Variants in MDGA2 observed in about 807,000 individuals in gnomAD.
The protein encoded by MDGA2 is MAM domain-containing glycosylphosphatidylinositol anchor protein 2.
Under a neutral mutation model 117.8 loss-of-function variants are expected in MDGA2, and 40 were observed. The observed-to-expected ratio is 0.34, with a 90% CI of 0.26 to 0.44. MDGA2 has a LOEUF of 0.44. MDGA2 is among the 20% of genes least tolerant of loss of function. The pLI is 1.00. For missense variants in MDGA2, 1,123 were observed against 1,250.6 expected, an observed-to-expected ratio of 0.90 and a Z score of 1.54; for synonymous variants, 452 against 439.0, an observed-to-expected ratio of 1.03 and a Z score of -0.37.
intron 1 of MDGA2, among the ~76,000 whole-genome samples, chr14:47,380,732 C>T (rs902501099): frequency 6.6e-6 from 1 of 151,812 alleles, no homozygotes; most frequent in Non-Finnish European, 1.5e-5. Flanking sequence ...GCCTACCAAC[C>T]AAAAAATGTC....
intron 8 of MDGA2, among the ~76,000 whole-genome samples, chr14:46,957,946 T>C (rs897705695): frequency 6.6e-6 from 1 of 152,188 alleles, no homozygotes; most frequent in Non-Finnish European, 1.5e-5. Context: ...TTAATTCTAA[T>C]ATTATCAATA....
At chr14:47,137,254 C>T (rs2139175273) in intron 4 of MDGA2, among the ~76,000 whole-genome samples, 1 of 152,208 alleles carries the variant, frequency 6.6e-6, no homozygotes, top group East Asian at 1.9e-4. Context: ...TATGCACATC[C>T]ATATCCTAGT....
intron 1 of MDGA2, among the ~76,000 whole-genome samples, chr14:47,635,962 T>C (rs571191408): frequency 1.3e-5 from 2 of 152,288 alleles, no homozygotes; most frequent in East Asian, 1.9e-4. Context: ...AATAAACTTA[T>C]TGACAAAAAA....
At chr14:47,384,820 T>C (rs183336006) in intron 1 of MDGA2, among the ~76,000 whole-genome samples, 4 of 152,148 alleles carry the variant, frequency 2.6e-5, no homozygotes, top group Admixed American at 6.5e-5. Context: ...CCCAGTAGGG[T>C]GGCCCAGATG....
intron 9 of MDGA2, among the ~76,000 whole-genome samples, chr14:46,940,397 G>A (rs1203006435): frequency 6.6e-6 from 1 of 152,052 alleles, no homozygotes; most frequent in South Asian, 2.1e-4. Context: ...GGGAGTCTGA[G>A]GAGGGTGGAT....
At chr14:47,388,814 G>C (rs776631024) in intron 1 of MDGA2, among the ~76,000 whole-genome samples, 2 of 152,146 alleles carry the variant, frequency 1.3e-5, no homozygotes, top group Non-Finnish European at 2.9e-5. Context: ...GAAAGACAAA[G>C]CAACGCCACT....
At chr14:47,032,005 T>G (rs899009097) in intron 8 of MDGA2, among the ~76,000 whole-genome samples, 3 of 152,186 alleles carry the variant, frequency 2.0e-5, no homozygotes, top group African/African-American at 7.2e-5. Context: ...AGTGCAACAA[T>G]AGACTAACAA....
intron 9 of MDGA2, among the ~76,000 whole-genome samples, chr14:46,933,104 A>G (rs1200895674): frequency 1.3e-5 from 2 of 152,074 alleles, no homozygotes; most frequent in Non-Finnish European, 2.9e-5. Context: ...CTGTTTTACC[A>G]AACCATCAAA....
intron 1 of MDGA2, among the ~76,000 whole-genome samples, chr14:47,596,032 T>G (rs777450054): frequency 6.6e-6 from 1 of 152,192 alleles, no homozygotes; most frequent in Non-Finnish European, 1.5e-5. Flanking sequence ...GGTAAGTTGC[T>G]TCCTGAGGCC....
intron 1 of MDGA2, among the ~76,000 whole-genome samples, chr14:47,310,979 G>A (rs1889615579): frequency 6.6e-6 from 1 of 152,064 alleles, no homozygotes. Flanking sequence ...TGTTAATAGT[G>A]TCAGAAGCCA....
At position 47,414,617 on chromosome 14, in the gene MDGA2, C is replaced by G. The variant is rs977857017; in HGVS notation, c.281-113067G>C. Among the ~76,000 whole-genome samples, 6 of 152,062 alleles carry G rather than the reference C, an allele frequency of 3.9e-5. No homozygotes were observed. In the East Asian group the frequency reaches 1.2e-3, roughly 29 times the overall value. ...AAATTAATGTTGAGTTTCCAGAGCT[C>G]TACAAAAATGCTAACATACATTGTA... On this transcript the variant is annotated intron_variant, in intron 1 of 16. Transcript: ENST00000399232.
chr14:47,363,798 GAGAGAGAA>G (rs1891175496), intron 1 of MDGA2, among the ~76,000 whole-genome samples: 4 of 151,886 alleles, frequency 2.6e-5, no homozygotes, highest in East Asian at 1.9e-4. Flanking sequence ...GAGAAATGAG[GAGAGAGAA>G]AGAGAGAAAG....
At chr14:47,383,716 G>T (rs1370135444) in intron 1 of MDGA2, among the ~76,000 whole-genome samples, 2 of 151,874 alleles carry the variant, frequency 1.3e-5, no homozygotes, top group Non-Finnish European at 2.9e-5. Context: ...GTAGAGACAG[G>T]GTTTCACAAT....
At chr14:47,543,648 A>C (rs1895397777) in intron 1 of MDGA2, among the ~76,000 whole-genome samples, 3 of 152,232 alleles carry the variant, frequency 2.0e-5, no homozygotes, top group Admixed American at 2.0e-4. Context: ...CAGATAATTC[A>C]AAAATATCTT....
At position 47,423,092 on chromosome 14, in the gene MDGA2, A is replaced by T. The variant is rs190576483; in HGVS notation, c.281-121542T>A. ...AAATTATTTTGCAGTGTTTAGATGT[A>T]CAATCCTTGCTTTCTCTTCTTGTTT... is the stretch of plus-strand genomic sequence containing the variant. On this transcript the variant is annotated intron_variant, in intron 1 of 16. Transcript: ENST00000399232. Among the ~76,000 whole-genome samples the T allele has an allele frequency of 2.0e-5, 3 of 152,312 alleles. No homozygotes were observed. The East Asian group carries it at 5.8e-4, about 29-fold the overall frequency.
At chr14:47,585,454 A>G (rs1896306349) in intron 1 of MDGA2, among the ~76,000 whole-genome samples, 2 of 151,962 alleles carry the variant, frequency 1.3e-5, no homozygotes, top group African/African-American at 2.4e-5. Flanking sequence ...AAATTGAGTA[A>G]TAACAATACA....
chr14:47,042,320 T>G (rs2050964), intron 7 of MDGA2, among the ~76,000 whole-genome samples: 10 of 102,770 alleles, frequency 9.7e-5, no homozygotes, highest in Non-Finnish European at 2.0e-4. Flanking sequence ...ATGTTTTTTT[T>G]TTTTTTTTGT....
At chr14:47,155,672 C>T (rs1042378250) in intron 3 of MDGA2, among the ~76,000 whole-genome samples, 56 of 151,918 alleles carry the variant, frequency 3.7e-4, no homozygotes, top group Non-Finnish European at 7.1e-4. Flanking sequence ...CCATGGCTGG[C>T]TCACCCTTGA....
At chr14:46,959,296 TGTGTGTGG>T (rs1477342158) in intron 8 of MDGA2, among the ~76,000 whole-genome samples, 8 of 135,514 alleles carry the variant, frequency 5.9e-5, no homozygotes, top group African/African-American at 1.2e-4. Flanking sequence ...TGTGTGTGTG[TGTGTGTGG>T]ATACATACAT....
Sources: gnomAD v4.1 joint callset for allele counts (sites outside exome capture counted in the v4.1 genomes callset) on GRCh38, gnomAD v4.1.1 for gene constraint, MANE v1.5 for transcripts, NCBI Gene and HGNC (gene_info 2026-07-23, HGNC 2026-07-21) for gene names.